HAL: variants seen among roughly 807,000 people sequenced by gnomAD.
The protein encoded by HAL is histidine ammonia-lyase.
A neutral mutation model predicts 81.1 loss-of-function variants in HAL; 85 were observed. That is an observed-to-expected ratio of 1.05 (90% CI 0.88 to 1.25). The LOEUF is 1.25. HAL is among the 50% of genes most tolerant of loss of function. HAL has a pLI of 0.00. For missense variants in HAL, 798 were observed against 836.6 expected, an observed-to-expected ratio of 0.95 and a Z score of 0.57; for synonymous variants, 301 against 309.2, an observed-to-expected ratio of 0.97 and a Z score of 0.28.
rs1398059291 is a variant in HAL, at chr12:95,980,852, G to A, written c.1299C>T (p.Ala433=). The part of the protein sequence containing the change: ...NSATDNPMVF[A]NRGETVSGGN... ...CTCCAGAAACTGTCTCTCCCCTATT[G>A]GCAAAGACCATCTTTCAAAAGAGGT... Residue 433 remains alanine (A), a synonymous_variant, in exon 16 of 21, where the codon GCC becomes GCT. Transcript: ENST00000261208. 2 of 1,567,386 alleles carry A rather than the reference G, an allele frequency of 1.3e-6. No homozygotes were observed. The highest frequency in any genetic ancestry group is 1.7e-5 in the Admixed American group (1 of 59,956).
intron 17 of HAL, among the ~76,000 whole-genome samples, 170 bp from the exon 18 acceptor site, chr12:95,978,248 A>AT (rs11454735): frequency 0.64 from 97,607 of 151,790 alleles, 33,068 homozygotes; most frequent in East Asian, 0.91. Context: ...GAAGCAGGTC[A>AT]TTTTTTTTCC....
intron 20 of HAL, among the ~76,000 whole-genome samples, chr12:95,975,789 C>T (rs1310445500): frequency 1.3e-5 from 2 of 152,122 alleles, no homozygotes; most frequent in East Asian, 1.9e-4. Flanking sequence ...AGCAGAGCAA[C>T]TGTTTTAAGG....
At chr12:95,975,911 A>T (rs1057002091) in intron 20 of HAL, among the ~76,000 whole-genome samples, 4 of 152,256 alleles carry the variant, frequency 2.6e-5, no homozygotes, top group Non-Finnish European at 5.9e-5. Context: ...TGTACCTGGC[A>T]GCTGAGTATA....
chr12:95,995,456 T>A (rs1565995461), intron 2 of HAL, among the ~76,000 whole-genome samples: 1 of 152,186 alleles, frequency 6.6e-6, no homozygotes, highest in Non-Finnish European at 1.5e-5. Flanking sequence ...TGATTTCTCC[T>A]CCATCAGAGG....
chr12:95,974,367 C>T lies in HAL; in HGVS notation c.1839G>A (p.Trp613Ter). ...TTTCAATGTATGGAGCAGCTACTTC[C>T]CAAACCTGAAAAGCAAGGACAAAAC... ...AHRLLLEQKV[W>*]EVAAPYIEKY... is the part of the protein sequence containing the mutation. The change falls in exon 21 of 21, where the codon TGG becomes TGA. Residue 613 changes from tryptophan to a stop codon, truncating the protein, a stop_gained. Transcript: ENST00000261208. LOFTEE classifies it high-confidence loss of function. 1.9e-6 allele frequency: 3 copies of T among 1,613,668 alleles called. No individual in the cohort carries two copies. Among genetic ancestry groups the T allele is most frequent in the Non-Finnish European group, 2.5e-6 (3 of 1,179,596 alleles).
chr12:95,984,136 T>C (rs1949848329), intron 14 of HAL, 145 bp from the exon 15 acceptor site: 1 of 504,900 alleles, frequency 2.0e-6, no homozygotes, highest in Non-Finnish European at 3.7e-6. Flanking sequence ...GGAAATTATT[T>C]GAACTGAAGA....
At chr12:95,994,680 G>T in intron 4 of HAL, 118 bp downstream of exon 4, 1 of 1,033,652 alleles carries the variant, frequency 9.7e-7, no homozygotes, top group Non-Finnish European at 1.5e-6. Flanking sequence ...ATGAGTCACT[G>T]CTCCCGGCCA....
At chr12:95,991,105 G>T (rs1348582819) in intron 9 of HAL, among the ~76,000 whole-genome samples, 3 of 152,138 alleles carry the variant, frequency 2.0e-5, no homozygotes, top group Non-Finnish European at 4.4e-5. Flanking sequence ...GCAGGATCCT[G>T]TCTCCTAAAT....
intron 10 of HAL, among the ~76,000 whole-genome samples, chr12:95,989,370 C>T (rs1320037754): frequency 3.3e-5 from 5 of 152,144 alleles, no homozygotes; most frequent in African/African-American, 4.8e-5. Flanking sequence ...TATGTAGAGG[C>T]GGAGCCTCGC....
intron 20 of HAL, among the ~76,000 whole-genome samples, chr12:95,975,472 G>A (rs1353573627): frequency 1.3e-5 from 2 of 151,990 alleles, no homozygotes; most frequent in African/African-American, 2.4e-5. Flanking sequence ...GAGCCCAGGA[G>A]TTTGAGTCCA....
rs1007678039 is a variant in HAL at position 95,973,049 on chromosome 12, T to C, written c.*1183A>G. The C allele has an allele frequency of 2.6e-5, 4 of 152,218 alleles. No homozygotes were observed. The highest frequency in any genetic ancestry group is 1.9e-4 in the East Asian group (1 of 5,202). 9.4% of individuals were successfully genotyped at this position (152,218 alleles called of 1,614,324 possible). A position where few individuals can be genotyped will look rare whatever the true frequency, so the allele number is the denominator to read the frequency against. ...GGTTGTAAATCTAAAGGGTGAAAAC[T>C]CTATTGTGAAATCCACTGTTCGGCC... On this transcript the variant is annotated 3_prime_UTR_variant, in exon 21 of 21. Coordinates refer to ENST00000261208, the MANE Select transcript of HAL (RefSeq NM_002108.4).
At chr12:95,977,898 A>G in intron 18 of HAL, 46 bp downstream of exon 18, 1 of 1,604,766 alleles carries the variant, frequency 6.2e-7, no homozygotes, top group Non-Finnish European at 8.5e-7. Flanking sequence ...CCACGGGCAC[A>G]GTGGTCTATC....
Position 95,977,933 on chromosome 12 carries a change from A to G in HAL, c.1654+11T>C, listed in dbSNP as rs2080742593. On this transcript the variant is annotated intron_variant, in intron 18 of 20. Transcript: ENST00000261208. ...CAGGCAGGCCCGCCACCCCGAACTC[A>G]TCAGCATTACCTTGCTCCACATGCT... The G allele has an allele frequency of 6.2e-7, 1 of 1,613,878 alleles. No homozygotes were observed. The highest frequency in any genetic ancestry group is 8.5e-7 in the Non-Finnish European group (1 of 1,179,948).
chr12:95,989,285 A>T (rs536943401), intron 10 of HAL, among the ~76,000 whole-genome samples: 1 of 152,360 alleles, frequency 6.6e-6, no homozygotes, highest in East Asian at 1.9e-4. Flanking sequence ...TCCTGGGCTC[A>T]AGTGATCCTC....
At chr12:95,981,538 G>A (rs1204425772) in intron 15 of HAL, among the ~76,000 whole-genome samples, 3 of 152,104 alleles carry the variant, frequency 2.0e-5, no homozygotes, top group South Asian at 2.1e-4. Flanking sequence ...GGCTCACTGC[G>A]ACCTCTGCCT....
chr12:95,986,157 A>C lies in HAL; in HGVS notation c.1055T>G (p.Ile352Ser), dbSNP rs148685449. Residue 352 changes from isoleucine (I) to serine (S), a missense_variant, in exon 13 of 21, where the codon ATT becomes AGT. Physicochemically the swap from Ile to Ser is moderately radical, Grantham distance 142. Transcript: ENST00000261208. ...CCCACGGTGAGGTCGAAGAGCATGA[A>C]TGTCTAGAATTGATGAAGGAGAAAA... ...KGTTKAFDTD[I>S]HALRPHRGQI... 6.4e-7 allele frequency: 1 copy of C among 1,568,672 alleles called. No individual in the cohort carries two copies. Among genetic ancestry groups the C allele is most frequent in the Non-Finnish European group, 8.8e-7 (1 of 1,138,402 alleles).
chr12:95,995,191 G>C, intron 2 of HAL, 198 bp from the exon 3 acceptor site: 1 of 629,494 alleles, frequency 1.6e-6, no homozygotes, highest in Non-Finnish European at 2.8e-6. Flanking sequence ...TGTCAGGGCA[G>C]AGACCAGGGG....
chr12:95,995,832 G>A lies in HAL; in HGVS notation c.79C>T (p.Leu27=). 2 of 1,611,620 alleles carry A rather than the reference G, an allele frequency of 1.2e-6. No individual in the cohort carries two copies. The highest frequency in any genetic ancestry group is 1.7e-6 in the Non-Finnish European group (2 of 1,179,978). The change falls in exon 2 of 21, where the codon CTG becomes TTG. Residue 27 remains leucine (L), a synonymous_variant. Coordinates refer to ENST00000261208, the MANE Select transcript of HAL (RefSeq NM_002108.4). ...TAGCGCCTCACGGCCTCCCGGCCCA[G>A]CCAGCCCACAGTGAGCTGCGCGTCC... is the stretch of plus-strand genomic sequence containing the variant. ...CQDAQLTVGW[L]GREAVRRYIK... is the part of the protein sequence containing the mutation.
chr12:95,993,317 C>T (rs774534836), intron 8 of HAL, 134 bp downstream of exon 8: 38 of 750,180 alleles, frequency 5.1e-5, no homozygotes, highest in Admixed American at 1.2e-4. Context: ...TCCCTTCTCA[C>T]CTCGGCACCT....
Sources: gnomAD v4.1 joint callset for allele counts (sites outside exome capture counted in the v4.1 genomes callset) on GRCh38, gnomAD v4.1.1 for gene constraint, MANE v1.5 for transcripts, NCBI Gene and HGNC (gene_info 2026-07-23, HGNC 2026-07-21) for gene names.